Variants in ZNF177 observed in about 807,000 individuals in gnomAD.
ZNF177 encodes the protein zinc finger protein 177.
Under a neutral mutation model 19.4 loss-of-function variants are expected in ZNF177, and 17 were observed. The observed-to-expected ratio is 0.87, with a 90% confidence interval of 0.60 to 1.31. ZNF177 has a LOEUF of 1.31. Ranked by LOEUF, ZNF177 falls within the 40% of genes most tolerant of loss-of-function variation. The pLI is 0.00. For missense variants in ZNF177, 633 were observed against 561.8 expected (o/e 1.13, Z -1.28); for synonymous variants, 220 against 188.7 (o/e 1.17, Z -1.36).
exon 6 of ZNF177, chr19:9,381,859 T>G (rs1382560811): frequency 3.3e-6 from 5 of 1,511,650 alleles, no homozygotes; most frequent in Non-Finnish European, 4.4e-6. Context: ...CCTGTTATGG[T>G]CACCTGGAAA....
chr19:9,378,803 C>G (rs1220311295), intron 2 of ZNF177, among the ~76,000 whole-genome samples, 159 bp from the exon 5 acceptor site: 6 of 152,148 alleles, frequency 3.9e-5, no homozygotes, highest in African/African-American at 1.4e-4. Context: ...GTTCTGAGAA[C>G]TCAGCTTTAA....
In ZNF177 at chr19:9,381,428, AACCC is replaced by A. The variant is rs2068199688; in HGVS notation, c.1098_1101del (p.Lys366AsnfsTer73). ...CATGTGAGAACCCACACTGGAGAGA[AACCC>A]TATGAATGCAGTGACTGTGGAAAAG... is the stretch of plus-strand genomic sequence containing the variant. On this transcript the variant is annotated frameshift_variant, in exon 6 of 6. Transcript: ENST00000589262. LOFTEE classifies it low-confidence loss of function (END_TRUNC). The A allele has an allele frequency of 6.2e-7, 1 of 1,610,042 alleles. No individual in the cohort carries two copies.
chr19:9,363,169 C>T (rs2067927445), intron 1 of ZNF177, 85 bp downstream of exon 1: 1 of 152,380 alleles, frequency 6.6e-6, no homozygotes, highest in Non-Finnish European at 1.5e-5. Context: ...CAGACCTTGC[C>T]TGCAGCTTCC....
chr19:9,382,331 A>C (rs2068214906), downstream of ZNF177: 2 of 398,906 alleles, frequency 5.0e-6, no homozygotes. Flanking sequence ...GGAATATCTC[A>C]TCTGGTGTTT....
At chr19:9,366,993 C>G (rs2067988612) in intron 2 of ZNF177, among the ~76,000 whole-genome samples, 1 of 152,192 alleles carries the variant, frequency 6.6e-6, no homozygotes, top group South Asian at 2.1e-4. Context: ...AATGTACATT[C>G]AGATCATTTG....
exon 6 of ZNF177, chr19:9,381,950 T>C (rs2068210080): frequency 1.0e-6 from 1 of 1,001,222 alleles, no homozygotes; most frequent in Non-Finnish European, 1.4e-6. Flanking sequence ...TTTTTATCAG[T>C]GAGTATTTCA....
In ZNF177 at chr19:9,380,688, G is replaced by A. The variant is rs368699047; in HGVS notation, c.357G>A (p.Glu119=). ...AACAGGCAGAAAATCAACCTGGTGA[G>A]CACTCCCTGGAGTGTAACCATTGTG... The change falls in exon 6 of 6, where the codon GAG becomes GAA. Residue 119 remains glutamate (E), a synonymous_variant. Coordinates refer to ENST00000589262, the Ensembl canonical transcript of ZNF177. 1.8e-5 allele frequency: 28 copies of A among 1,535,608 alleles called. No homozygotes were observed. In the East Asian group the frequency reaches 2.0e-4, roughly 11 times the overall value.
chr19:9,371,576 G>A (rs903440558), upstream of ZNF177: 3 of 152,146 alleles, frequency 2.0e-5, no homozygotes, highest in Non-Finnish European at 4.4e-5. Flanking sequence ...TTGCTGTTGA[G>A]ATGTCAGCTA....
At chr19:9,382,175 T>C (rs902724168) in exon 6 of ZNF177, 2 of 402,876 alleles carry the variant, frequency 5.0e-6, no homozygotes, top group Middle Eastern at 6.4e-4. Context: ...GTAATAAAAT[T>C]TACCATTTAG....
At chr19:9,380,530 G>T in intron 5 of ZNF177, 138 bp from the exon 8 acceptor site, 2 of 1,507,978 alleles carry the variant, frequency 1.3e-6, no homozygotes, top group Non-Finnish European at 1.8e-6. Flanking sequence ...AAAGTCATAC[G>T]CACCTACTGA....
chr19:9,375,054 T>A (rs905388350), upstream of ZNF177, among the ~76,000 whole-genome samples: 5 of 151,742 alleles, frequency 3.3e-5, no homozygotes, highest in Non-Finnish European at 7.4e-5. Flanking sequence ...CACAGAAGAA[T>A]GCTGAATTTT....
chr19:9,363,421 T>A (rs1388698972), intron 1 of ZNF177: 4 of 152,280 alleles, frequency 2.6e-5, no homozygotes, highest in Non-Finnish European at 5.9e-5. Flanking sequence ...GACCTCACTT[T>A]CCGTTGTTAG....
At chr19:9,376,847 T>C (rs141425110) in intron 1 of ZNF177, among the ~76,000 whole-genome samples, 2 of 152,214 alleles carry the variant, frequency 1.3e-5, no homozygotes, top group African/African-American at 4.8e-5. Flanking sequence ...GGATTGAGTA[T>C]ATAATTACCT....
upstream of ZNF177, chr19:9,371,545 G>A (rs1021878988): frequency 6.6e-6 from 1 of 152,052 alleles, no homozygotes; most frequent in Admixed American, 6.6e-5. Flanking sequence ...ACATTGTCCT[G>A]CTTTCTTCTG....
intron 5 of ZNF177, 116 bp from the exon 8 acceptor site, chr19:9,380,552 A>G (rs564750024): frequency 3.3e-6 from 5 of 1,529,732 alleles, no homozygotes; most frequent in South Asian, 2.4e-5. Context: ...AATGGTACAC[A>G]TGTCAGTCAT....
At chr19:9,382,571 C>T (rs2068217817), downstream of ZNF177, 1 of 395,082 alleles carries the variant, frequency 2.5e-6, no homozygotes, top group Non-Finnish European at 4.5e-6. Context: ...TGATTTCAGT[C>T]CCAACTGTTA....
At chr19:9,376,317 G>C (rs1354008517), upstream of ZNF177, 3 of 152,186 alleles carry the variant, frequency 2.0e-5, no homozygotes, top group Non-Finnish European at 4.4e-5. Context: ...TTTCTGTAGA[G>C]ATGCGGTCTT....
At chr19:9,367,643 C>T (rs1292122972) in intron 2 of ZNF177, among the ~76,000 whole-genome samples, 1 of 152,156 alleles carries the variant, frequency 6.6e-6, no homozygotes, top group Non-Finnish European at 1.5e-5. Context: ...CTTAAAGTGG[C>T]CTTGTCATGT....
At chr19:9,381,741 C>T in exon 6 of ZNF177, 3 of 1,606,798 alleles carry the variant, frequency 1.9e-6, no homozygotes, top group Non-Finnish European at 2.5e-6. Context: ...TTATAATGCA[C>T]AAGCGAATCC....
Sources: allele counts gnomAD v4.1 joint callset (sites outside exome capture counted in the v4.1 genomes callset), GRCh38; gene constraint gnomAD v4.1.1; transcripts MANE v1.5; gene names NCBI Gene and HGNC (gene_info 2026-07-23, HGNC 2026-07-21).